GRK1: variants seen among roughly 807,000 people sequenced by gnomAD.
The protein encoded by GRK1 is rhodopsin kinase GRK1.
Under a neutral mutation model 41.7 loss-of-function variants are expected in GRK1, and 28 were observed. That is an observed-to-expected ratio of 0.67 (90% CI 0.50 to 0.92). The LOEUF (loss-of-function observed/expected upper bound fraction) is 0.92, where lower values mean the gene tolerates loss of function less well. GRK1 is among the 40% of genes least tolerant of loss of function. GRK1 has a pLI of 0.00. For synonymous variants in GRK1, 327 were observed against 286.7 expected, an observed-to-expected ratio of 1.14 and a Z score of -1.42; for missense variants, 703 against 671.2, an observed-to-expected ratio of 1.05 and a Z score of -0.52.
At chr13:113,733,851 A>ATG (rs754560426) in intron 6 of GRK1, among the ~76,000 whole-genome samples, 1 of 73,872 alleles carries the variant, frequency 1.4e-5, no homozygotes, top group Non-Finnish European at 2.4e-5. Flanking sequence ...GTGCATGTGT[A>ATG]TGTGTGCATA....
chr13:113,657,921 C>CG, the GRK1 span: 1 of 863,860 alleles, frequency 1.2e-6, no homozygotes, highest in Non-Finnish European at 1.8e-6. Context: ...CAGGCAGCAT[C>CG]GGGGTCTCAC....
the GRK1 span, chr13:113,652,725 A>T: frequency 1.1e-6 from 1 of 917,630 alleles, no homozygotes; most frequent in East Asian, 2.6e-5. Flanking sequence ...GGTGCGTGCC[A>T]AACCAAGGTA....
chr13:113,733,696 C>T lies in GRK1; in HGVS notation c.1396+611C>T, dbSNP rs562475017. Among the ~76,000 whole-genome samples, 150 of 104,406 alleles carry T rather than the reference C, an allele frequency of 1.4e-3. 3 individuals carry two copies. Among genetic ancestry groups the T allele is most frequent in the Middle Eastern group, 0.012 (1 of 84 alleles). The allele number at this position is 104,406 out of a possible 152,430, so 68.5% of individuals were successfully genotyped here. On this transcript the variant is annotated intron_variant, in intron 6 of 6. Coordinates refer to ENST00000335678, the MANE Select transcript of GRK1 (RefSeq NM_002929.3). ...ACGTGTGTGCATGTATGTGTGCATA[C>T]ATGTGTGCGTGTGTGCGCACGTGTG...
the GRK1 span, chr13:113,650,361 G>A: frequency 6.4e-7 from 1 of 1,550,720 alleles, no homozygotes; most frequent in African/African-American, 1.4e-5. The surrounding 1 kb of genome is among the most constrained non-coding windows in gnomAD (Gnocchi z 5.0). Flanking sequence ...AGTGTGAGAG[G>A]ACTCAGCAGC....
rs2049853831 is a variant in GRK1 at position 113,671,096 on chromosome 13, G to A, written c.828-403G>A. ...ATAAGAGATGATGTTCTATGGGGGAGGAAAGAGGCTGAGAAGAAACACCTT... is the reference window on the plus strand; with the variant it reads ...ATAAGAGATGATGTTCTATGGGGGAAGAAAGAGGCTGAGAAGAAACACCTT... On this transcript the variant is annotated intron_variant, in intron 2 of 6. Coordinates refer to ENST00000335678, the MANE Select transcript of GRK1 (RefSeq NM_002929.3). The surrounding 1 kb of genome is among the most constrained non-coding windows in gnomAD (Gnocchi z 4.1). Among the ~76,000 whole-genome samples the A allele has an allele frequency of 6.6e-6, 1 of 152,232 alleles. No individual in the cohort carries two copies. The highest frequency in any genetic ancestry group is 6.5e-5 in the Admixed American group (1 of 15,284).
intron 6 of GRK1, among the ~76,000 whole-genome samples, chr13:113,733,999 T>C (rs527658604): frequency 4.9e-5 from 7 of 142,766 alleles, no homozygotes; most frequent in Admixed American, 6.8e-5. Context: ...CATACATGTG[T>C]GTGCGTGTGC....
rs1454228523 is a variant in GRK1, at chr13:113,733,661, GCGTGTGTGCA to G, written c.1396+587_1396+596del. 4.5e-4 allele frequency among the ~76,000 whole-genome samples: 45 copies of G among 99,594 alleles called. 1 individual carries two copies. Among genetic ancestry groups the G allele is most frequent in the African/African-American group, 1.9e-3 (35 of 18,450 alleles). The allele number at this position is 99,594 out of a possible 152,430, so 65.3% of individuals were successfully genotyped here. On this transcript the variant is annotated intron_variant, in intron 6 of 6. Transcript: ENST00000335678. Reference sequence around the variant, plus strand: ...CATGTATGTGTGCATACGTGTGTGTGCGTGTGTGCACGTGTGTGCATGTATGTGTGCATAC... The same window carrying G: ...CATGTATGTGTGCATACGTGTGTGTGCGTGTGTGCATGTATGTGTGCATAC...
chr13:113,648,539 GT>G, the GRK1 span, among the ~76,000 whole-genome samples: 1 of 152,254 alleles, frequency 6.6e-6, no homozygotes, highest in Admixed American at 6.5e-5. Context: ...GCAAGAGCAG[GT>G]TTGCTTGTTT....
Position 113,735,487 on chromosome 13 carries a change from C to A in GRK1, c.*124C>A. 1 of 1,067,776 alleles carries A rather than the reference C, an allele frequency of 9.4e-7. No homozygotes were observed. The highest frequency in any genetic ancestry group is 1.3e-6 in the Non-Finnish European group (1 of 778,862). 66.1% of individuals were successfully genotyped at this position (1,067,776 alleles called of 1,614,324 possible). A position where few individuals can be genotyped will look rare whatever the true frequency, so the allele number is the denominator to read the frequency against. ...CACGTGGTTCCCTCCACCCAGGTCC[C>A]CATCACGCCATCTCCTTGCGGCCCA... On this transcript the variant is annotated 3_prime_UTR_variant, in exon 7 of 7. Coordinates refer to ENST00000335678, the MANE Select transcript of GRK1 (RefSeq NM_002929.3).
rs192723805 is a variant in GRK1, at chr13:113,735,201, C to T, written c.1530C>T (p.Ala510=). The change falls in exon 7 of 7, where the codon GCC becomes GCT. Residue 510 remains alanine, a synonymous_variant. Coordinates refer to ENST00000335678, the MANE Select transcript of GRK1 (RefSeq NM_002929.3). The part of the protein sequence containing the change: ...KTDTEFFQEF[A]TGNCPIPWQE... ...ACACAGAATTCTTTCAGGAATTTGCCACTGGCAACTGCCCCATCCCCTGGC... is the reference window on the plus strand; with the variant it reads ...ACACAGAATTCTTTCAGGAATTTGCTACTGGCAACTGCCCCATCCCCTGGC... 20 of 1,537,046 alleles carry T rather than the reference C, an allele frequency of 1.3e-5. No individual in the cohort carries two copies. Among genetic ancestry groups the T allele is most frequent in the Non-Finnish European group, 1.7e-5 (19 of 1,146,904 alleles).
At chr13:113,656,526 C>G in the GRK1 span, among the ~76,000 whole-genome samples, 1 of 152,168 alleles carries the variant, frequency 6.6e-6, no homozygotes, top group African/African-American at 2.4e-5. Flanking sequence ...GCTTGCACCA[C>G]GGTGTTCAGG....
At chr13:113,656,487 G>A in the GRK1 span, among the ~76,000 whole-genome samples, 5 of 152,282 alleles carry the variant, frequency 3.3e-5, no homozygotes, top group African/African-American at 1.2e-4. Flanking sequence ...GCTCGGGAGG[G>A]CCATGCTCCC....
At chr13:113,733,834 CG>C (rs1433607198) in intron 6 of GRK1, among the ~76,000 whole-genome samples, 1 of 98,538 alleles carries the variant, frequency 1.0e-5, no homozygotes, top group East Asian at 3.3e-4. Context: ...TGTGTGTGCA[CG>C]TGCGTGTGCA....
At chr13:113,733,899 A>ATGTG (rs1166303291) in intron 6 of GRK1, among the ~76,000 whole-genome samples, 711 of 45,232 alleles carry the variant, frequency 0.016, 25 homozygotes, top group African/African-American at 0.049. Flanking sequence ...GCGTGTGTGT[A>ATGTG]TGTGTGCATA....
Position 113,669,711 on chromosome 13 carries a change from C to T in GRK1, c.724C>T (p.Leu242=), listed in dbSNP as rs200457852. ...GGGTGCTATGGTGGAGAAGAAGATT[C>T]TGATGAAAGTACACAGCAGGTTCAT... is the stretch of plus-strand genomic sequence containing the variant. ...YQGAMVEKKI[L]MKVHSRFIVS... is the part of the protein sequence containing the mutation. Residue 242 remains leucine (L), a synonymous_variant, in exon 2 of 7, where the codon CTG becomes TTG. Transcript: ENST00000335678. 4.8e-5 allele frequency: 78 copies of T among 1,613,860 alleles called. No individual in the cohort carries two copies. Among genetic ancestry groups the T allele is most frequent in the Non-Finnish European group, 5.8e-5 (69 of 1,179,884 alleles).
chr13:113,664,214 G>A (rs149334313), upstream of GRK1, among the ~76,000 whole-genome samples: 437 of 152,296 alleles, frequency 2.9e-3, 1 homozygote, highest in African/African-American at 0.01. The surrounding 1 kb of genome is among the most constrained non-coding windows in gnomAD (Gnocchi z 5.4). Flanking sequence ...GCATTGAGCA[G>A]GGCGGGCTGG....
At chr13:113,654,739 C>G in the GRK1 span, 1 of 1,533,306 alleles carries the variant, frequency 6.5e-7, no homozygotes, top group East Asian at 2.4e-5. Flanking sequence ...CACGGGTCCC[C>G]CGGGCGTCTC....
the GRK1 span, chr13:113,658,017 C>T: frequency 6.9e-3 from 10,909 of 1,583,036 alleles, 60 homozygotes; most frequent in Non-Finnish European, 8.4e-3. Flanking sequence ...CCAGCCGGCC[C>T]GCCCCCCGCA....
the GRK1 span, among the ~76,000 whole-genome samples, chr13:113,659,496 T>C: frequency 6.6e-6 from 1 of 152,220 alleles, no homozygotes; most frequent in Non-Finnish European, 1.5e-5. Context: ...TTTAGGATAA[T>C]TTAGAGTTTG....
Sources: gnomAD v4.1 joint callset for allele counts (sites outside exome capture counted in the v4.1 genomes callset) on GRCh38, gnomAD v4.1.1 for gene constraint, Gnocchi (gnomAD v3.1) non-coding constraint, MANE v1.5 for transcripts, NCBI Gene and HGNC (gene_info 2026-07-23, HGNC 2026-07-21) for gene names.